RCBTB2: variants seen among roughly 807,000 people sequenced by gnomAD.
RCBTB2 encodes the protein RCC1 and BTB domain containing protein 2.
A neutral mutation model predicts 65.4 loss-of-function variants in RCBTB2; 55 were observed. The observed-to-expected ratio is 0.84, with a 90% CI of 0.68 to 1.05. The LOEUF (loss-of-function observed/expected upper bound fraction) is 1.05. RCBTB2 is among the 50% of genes least tolerant of loss of function. RCBTB2 has a pLI of 0.00. For missense variants in RCBTB2, 599 were observed against 680.1 expected (o/e 0.88, Z 1.33); for synonymous variants, 220 against 255.2 (o/e 0.86, Z 1.31).
intron 14 of RCBTB2, among the ~76,000 whole-genome samples, chr13:48,490,868 G>A (rs1181873780): frequency 1.3e-5 from 2 of 152,204 alleles, no homozygotes; most frequent in Non-Finnish European, 2.9e-5. Context: ...TCTCTGGTAA[G>A]AGAGACCCAA....
intron 2 of RCBTB2, among the ~76,000 whole-genome samples, chr13:48,524,279 A>G (rs1308560544): frequency 1.3e-5 from 2 of 152,244 alleles, no homozygotes; most frequent in Non-Finnish European, 2.9e-5. Context: ...TTAAAATAAC[A>G]ATTCACAATA....
At chr13:48,523,207 A>C (rs752330564) in intron 2 of RCBTB2, among the ~76,000 whole-genome samples, 6 of 152,234 alleles carry the variant, frequency 3.9e-5, no homozygotes, top group Non-Finnish European at 7.3e-5. Context: ...GCATCTTAGC[A>C]GATCTGTTAA....
At chr13:48,533,343 C>T (rs1485943895), upstream of RCBTB2, 1 of 297,322 alleles carries the variant, frequency 3.4e-6, no homozygotes, top group African/African-American at 2.3e-5. Context: ...CCAGGGAGTT[C>T]CTCCGTGGGT....
At chr13:48,495,720 T>C (rs1304479273) in intron 14 of RCBTB2, among the ~76,000 whole-genome samples, 1 of 152,216 alleles carries the variant, frequency 6.6e-6, no homozygotes, top group Non-Finnish European at 1.5e-5. Flanking sequence ...ATCCTATACA[T>C]TATCTCTAAA....
At chr13:48,511,187 G>A (rs1440050649) in intron 9 of RCBTB2, among the ~76,000 whole-genome samples, 2 of 151,966 alleles carry the variant, frequency 1.3e-5, no homozygotes, top group Non-Finnish European at 2.9e-5. Flanking sequence ...TAGACATAGA[G>A]ATATGTACCT....
chr13:48,508,915 T>G (rs1428089090), intron 10 of RCBTB2, among the ~76,000 whole-genome samples: 1 of 152,118 alleles, frequency 6.6e-6, no homozygotes, highest in African/African-American at 2.4e-5. Flanking sequence ...CCTTGGGTGA[T>G]CATTCTGGAT....
chr13:48,523,285 C>T (rs936791859), intron 2 of RCBTB2, among the ~76,000 whole-genome samples: 25 of 152,186 alleles, frequency 1.6e-4, no homozygotes, highest in African/African-American at 5.8e-4. Flanking sequence ...ATCCTGATTA[C>T]CCAAATGGGC....
intron 6 of RCBTB2, among the ~76,000 whole-genome samples, chr13:48,514,721 G>A: frequency 6.6e-6 from 1 of 152,198 alleles, no homozygotes; most frequent in East Asian, 1.9e-4. Flanking sequence ...ACCTTTTGGG[G>A]AGAAGTTTTA....
chr13:48,526,007 G>C (rs902053492), intron 1 of RCBTB2, among the ~76,000 whole-genome samples: 1 of 152,126 alleles, frequency 6.6e-6, no homozygotes, highest in South Asian at 2.1e-4. Context: ...ATGTAACTCT[G>C]TCAATGAATT....
intron 12 of RCBTB2, 146 bp downstream of exon 12, chr13:48,501,596 T>A (rs1345309043): frequency 1.6e-6 from 1 of 631,858 alleles, no homozygotes. Flanking sequence ...TCATGTATAT[T>A]TCTCCCCGCT....
At chr13:48,527,390 T>TATATATGATATATAG (rs1951862441) in intron 1 of RCBTB2, among the ~76,000 whole-genome samples, 1 of 144,978 alleles carries the variant, frequency 6.9e-6, no homozygotes, top group Non-Finnish European at 1.5e-5. Flanking sequence ...ATGATATATA[T>TATATATGATATATAG]TTATATTAAA....
chr13:48,513,028 C>A, intron 6 of RCBTB2, 133 bp from the exon 7 acceptor site: 1 of 651,190 alleles, frequency 1.5e-6, no homozygotes, highest in Non-Finnish European at 2.5e-6. Context: ...CCCATTCCAC[C>A]AAAGTCATTC....
intron 4 of RCBTB2, among the ~76,000 whole-genome samples, chr13:48,516,350 T>A (rs1951088266): frequency 6.6e-6 from 1 of 152,212 alleles, no homozygotes. Flanking sequence ...AACAAAGTAG[T>A]GACAAACGAG....
chr13:48,527,361 T>TATATATCATA, intron 1 of RCBTB2, among the ~76,000 whole-genome samples: 6 of 112,430 alleles, frequency 5.3e-5, no homozygotes, highest in African/African-American at 2.8e-4. Context: ...TGATATATAT[T>TATATATCATA]TATATATGAT....
intron 2 of RCBTB2, among the ~76,000 whole-genome samples, 184 bp downstream of exon 2, chr13:48,524,475 A>G (rs2138624985): frequency 6.6e-6 from 1 of 152,362 alleles, no homozygotes; most frequent in South Asian, 2.1e-4. Context: ...CAGTAACGTG[A>G]CCAATAGTCA....
intron 5 of RCBTB2, 46 bp from the exon 6 acceptor site, chr13:48,515,401 A>C: frequency 6.4e-6 from 10 of 1,568,228 alleles, no homozygotes; most frequent in Non-Finnish European, 8.7e-6. Context: ...ATTTCTAACA[A>C]ATCTATAAAT....
chr13:48,496,181 C>T lies in RCBTB2; in HGVS notation c.1515+10G>A. The stretch of plus-strand genomic sequence containing the variant: ...CAGGAGGCCGGCAGCTGGAAGCAAG[C>T]TTTCCTTACCTGTGCATCATACTTC... On this transcript the variant is annotated intron_variant, in intron 14 of 14. Coordinates refer to ENST00000344532, the MANE Select transcript of RCBTB2 (RefSeq NM_001268.4). 9.0e-6 allele frequency: 13 copies of T among 1,442,336 alleles called. No homozygotes were observed. The highest frequency in any genetic ancestry group is 1.2e-5 in the Non-Finnish European group (13 of 1,088,448). 89.3% of individuals were successfully genotyped at this position (1,442,336 alleles called of 1,614,324 possible).
At position 48,515,484 on chromosome 13, in the gene RCBTB2, C is replaced by CTT. The variant is rs3215827; in HGVS notation, c.198+100_198+101dup. The CTT allele has an allele frequency of 9.5e-6, 12 of 1,263,850 alleles. No individual in the cohort carries two copies. The East Asian group carries it at 2.1e-4, about 22-fold the overall frequency. The allele number at this position is 1,263,850 out of a possible 1,614,324, so 78.3% of individuals were successfully genotyped here. ...TAATAAATAAAACCTAATTTCCATGCTTTTTTTTTTAACCTTTTATTCCTT... is the reference window on the plus strand; with the variant it reads ...TAATAAATAAAACCTAATTTCCATGCTTTTTTTTTTTTAACCTTTTATTCCTT... On this transcript the variant is annotated intron_variant, in intron 5 of 14. Coordinates refer to ENST00000344532, the MANE Select transcript of RCBTB2 (RefSeq NM_001268.4).
In RCBTB2 at chr13:48,510,734, T is replaced by C; in HGVS notation, c.821A>G (p.Asp274Gly). The C allele has an allele frequency of 6.2e-7, 1 of 1,614,090 alleles. No individual in the cohort carries two copies. The highest frequency in any genetic ancestry group is 8.5e-7 in the Non-Finnish European group (1 of 1,180,024). The change falls in exon 10 of 15, where the codon GAT becomes GGT. Residue 274 changes from aspartate (D) to glycine (G), a missense_variant. By Grantham distance (94) the Asp-to-Gly change is moderately conservative (BLOSUM62 -1). Transcript: ENST00000344532. Reference protein sequence around the residue: ...CGYAHTLVLTDEGQVYAWGAN... With the variant: ...CGYAHTLVLTGEGQVYAWGAN... The stretch of plus-strand genomic sequence containing the variant: ...GCCCCAAGCATACACTTGGCCTTCA[T>C]CTGTTAATACTAATGTGTGTGCGTA...
Sources: gnomAD v4.1 joint callset for allele counts (sites outside exome capture counted in the v4.1 genomes callset) on GRCh38, gnomAD v4.1.1 for gene constraint, MANE v1.5 for transcripts, NCBI Gene and HGNC (gene_info 2026-07-23, HGNC 2026-07-21) for gene names.